Variants in ARHGAP20 observed in about 807,000 individuals in gnomAD.
ARHGAP20 encodes Rho GTPase activating protein 20, also known as rho GTPase-activating protein 20.
ARHGAP20 carries 34 observed loss-of-function variants against 73.7 expected under a neutral mutation model. The observed-to-expected ratio is 0.46, with a 90% CI of 0.35 to 0.61. The LOEUF (loss-of-function observed/expected upper bound fraction) is 0.61, where lower values mean the gene tolerates loss of function less well. ARHGAP20 is among the 20% of genes least tolerant of loss of function. The pLI, the probability that ARHGAP20 is intolerant of heterozygous loss-of-function variation, is 0.00. For missense variants in ARHGAP20, 1,314 were observed against 1,420.9 expected (o/e 0.92, Z 1.21); for synonymous variants, 523 against 518.2 (o/e 1.01, Z -0.13).
intron 14 of ARHGAP20, 131 bp from the exon 15 acceptor site, chr11:110,581,356 A>AATC: frequency 9.6e-7 from 1 of 1,038,912 alleles, no homozygotes. Context: ...AATCTTTCAC[A>AATC]ATCTCAATTG....
intron 1 of ARHGAP20, among the ~76,000 whole-genome samples, chr11:110,700,304 A>G (rs1950418570): frequency 6.6e-6 from 1 of 152,098 alleles, no homozygotes; most frequent in Non-Finnish European, 1.5e-5. Context: ...AAATAAGCAT[A>G]GTATTAAAAT....
At chr11:110,607,425 T>G (rs919286348) in intron 8 of ARHGAP20, among the ~76,000 whole-genome samples, 118 of 152,298 alleles carry the variant, frequency 7.7e-4, no homozygotes, top group African/African-American at 2.6e-3. Context: ...CTATAAAAAC[T>G]AAACCCTGGA....
intron 2 of ARHGAP20, among the ~76,000 whole-genome samples, chr11:110,638,751 C>A (rs1006310375): frequency 4.6e-5 from 7 of 151,552 alleles, no homozygotes; most frequent in Non-Finnish European, 1.0e-4. Context: ...ATCGCAAGGA[C>A]AAAAAACCAA....
intron 2 of ARHGAP20, among the ~76,000 whole-genome samples, chr11:110,648,184 TATATGTA>T (rs1485885524): frequency 9.1e-6 from 1 of 109,806 alleles, no homozygotes; most frequent in African/African-American, 3.8e-5. Flanking sequence ...TATATATATA[TATATGTA>T]AATATATATA....
At chr11:110,621,167 A>G (rs1464735405) in intron 4 of ARHGAP20, among the ~76,000 whole-genome samples, 2 of 147,582 alleles carry the variant, frequency 1.4e-5, no homozygotes, top group East Asian at 4.0e-4. Flanking sequence ...TCATTTTCCT[A>G]TTTGTACTAC....
chr11:110,655,171 C>T (rs1471965117), intron 2 of ARHGAP20, among the ~76,000 whole-genome samples: 1 of 152,174 alleles, frequency 6.6e-6, no homozygotes. Flanking sequence ...GGAACCACAA[C>T]TTAATGTGCC....
rs75275215 is a variant in ARHGAP20 at position 110,674,807 on chromosome 11, T to C, written c.188+15740A>G. On this transcript the variant is annotated intron_variant, in intron 2 of 14. Transcript: ENST00000683387. The stretch of plus-strand genomic sequence containing the variant: ...CTTGTTCACCTTCTTGATTAGCCAA[T>C]CAGTTAATGATTGATGTCATCACCA... Among the ~76,000 whole-genome samples, 468 of 152,292 alleles carry C rather than the reference T, an allele frequency of 3.1e-3. 3 individuals carry two copies. Among genetic ancestry groups the C allele is most frequent in the African/African-American group, 0.01 (430 of 41,582 alleles).
chr11:110,586,159 A>AATC (rs1947659136), intron 12 of ARHGAP20, 57 bp downstream of exon 12: 1 of 900,644 alleles, frequency 1.1e-6, no homozygotes, highest in Admixed American at 3.2e-5. Context: ...TTTAATAAAT[A>AATC]ATCTTATAAA....
intron 2 of ARHGAP20, among the ~76,000 whole-genome samples, chr11:110,670,318 A>G (rs1223625008): frequency 6.6e-6 from 1 of 152,086 alleles, no homozygotes; most frequent in Admixed American, 6.6e-5. Flanking sequence ...GATAAAATTC[A>G]TATGCCTTTA....
intron 13 of ARHGAP20, among the ~76,000 whole-genome samples, chr11:110,583,340 A>C (rs184759904): frequency 1.3e-5 from 2 of 152,276 alleles, no homozygotes; most frequent in African/African-American, 4.8e-5. Context: ...CATGGTGTTT[A>C]GCCTCCTTAA....
upstream of ARHGAP20, chr11:110,712,588 C>T (rs1486648084): frequency 1.3e-5 from 2 of 152,518 alleles, no homozygotes; most frequent in East Asian, 3.9e-4. Flanking sequence ...TGCGGCGCGC[C>T]TGGCGGGCGT....
chr11:110,583,482 C>T, intron 13 of ARHGAP20, 66 bp downstream of exon 13: 9 of 1,336,632 alleles, frequency 6.7e-6, no homozygotes, highest in Non-Finnish European at 9.1e-6. Context: ...TTTTAGAATA[C>T]CCCAAATTTC....
intron 8 of ARHGAP20, among the ~76,000 whole-genome samples, chr11:110,607,550 C>T (rs1481830071): frequency 1.3e-5 from 2 of 152,096 alleles, no homozygotes; most frequent in African/African-American, 4.8e-5. Flanking sequence ...AGCAAGTTCC[C>T]TTCTATTCCT....
chr11:110,685,871 A>C (rs1401944063), intron 2 of ARHGAP20, among the ~76,000 whole-genome samples: 1 of 152,150 alleles, frequency 6.6e-6, no homozygotes, highest in Non-Finnish European at 1.5e-5. Context: ...ACTGCCCACA[A>C]ATCTTTTGCA....
chr11:110,637,165 A>C (rs1359602037), intron 2 of ARHGAP20, among the ~76,000 whole-genome samples: 4 of 152,144 alleles, frequency 2.6e-5, no homozygotes, highest in African/African-American at 4.8e-5. Context: ...ACTAAAGTTC[A>C]TTCTAAAAAT....
intron 2 of ARHGAP20, among the ~76,000 whole-genome samples, chr11:110,685,026 C>T (rs1434715027): frequency 6.6e-6 from 1 of 152,062 alleles, no homozygotes; most frequent in Non-Finnish European, 1.5e-5. Context: ...CAATGTAACA[C>T]ATACGCACAT....
At chr11:110,651,613 C>T (rs1379116568) in intron 2 of ARHGAP20, among the ~76,000 whole-genome samples, 1 of 151,912 alleles carries the variant, frequency 6.6e-6, no homozygotes, top group Non-Finnish European at 1.5e-5. Flanking sequence ...AGCAAATAAA[C>T]TAGAAAATCT....
In ARHGAP20 at chr11:110,611,297, A is replaced by G. The variant is rs149963439; in HGVS notation, c.708+12T>C. 6 of 1,479,118 alleles carry G rather than the reference A, an allele frequency of 4.1e-6. No individual in the cohort carries two copies. Among genetic ancestry groups the G allele is most frequent in the Non-Finnish European group, 3.7e-6 (4 of 1,088,554 alleles). 91.6% of individuals were successfully genotyped at this position (1,479,118 alleles called of 1,614,324 possible). A position where few individuals can be genotyped will look rare whatever the true frequency, so the allele number is the denominator to read the frequency against. ...TTATTTTTAATTAAGAATGTCTAGC[A>G]GAATAACTTACAGTTATCCCTAGCA... On this transcript the variant is annotated intron_variant, in intron 7 of 14. Coordinates refer to ENST00000683387, the MANE Select transcript of ARHGAP20 (RefSeq NM_001384657.1).
In ARHGAP20 at chr11:110,581,128, T is replaced by C; in HGVS notation, c.1818A>G (p.Lys606=). Residue 606 remains lysine, a synonymous_variant, in exon 15 of 15, where the codon AAA becomes AAG. Coordinates refer to ENST00000683387, the MANE Select transcript of ARHGAP20 (RefSeq NM_001384657.1). ...CCATGCTTCTGCTCCCCTGGCCAAG[T>C]TTCTTTACCAAGTCACTGCATGGTG... is the stretch of plus-strand genomic sequence containing the variant. ...VDAPCSDLVK[K]LGQGSRSMDS... 2 of 1,614,190 alleles carry C rather than the reference T, an allele frequency of 1.2e-6. No homozygotes were observed. Among genetic ancestry groups the C allele is most frequent in the Middle Eastern group, 1.6e-4 (1 of 6,062 alleles).
Sources: gnomAD v4.1 joint callset for allele counts (sites outside exome capture counted in the v4.1 genomes callset) on GRCh38, gnomAD v4.1.1 for gene constraint, MANE v1.5 for transcripts, NCBI Gene and HGNC (gene_info 2026-07-23, HGNC 2026-07-21) for gene names.